The following TRPM8 variants were observed in gnomAD, a reference collection of about 807,000 sequenced individuals.
TRPM8 encodes the protein TRPM8 cationic channel.
Under a neutral mutation model 133.7 loss-of-function variants are expected in TRPM8, and 110 were observed. That is an observed-to-expected ratio of 0.82 (90% CI 0.70 to 0.96). The LOEUF (loss-of-function observed/expected upper bound fraction) is 0.96. Ranked by LOEUF, TRPM8 falls within the 40% of genes least tolerant of loss-of-function variation. The pLI is 0.00. For missense variants in TRPM8, 1,291 were observed against 1,379.5 expected (o/e 0.94, Z 1.02); for synonymous variants, 535 against 532.3 (o/e 1.01, Z -0.07).
Position 234,014,545 on chromosome 2 carries a change from T to C in TRPM8, c.3265-17T>C, listed in dbSNP as rs1245688535. 2.0e-6 allele frequency: 3 copies of C among 1,510,164 alleles called. No homozygotes were observed. In the South Asian group the frequency reaches 3.8e-5, roughly 19 times the overall value. The allele number at this position is 1,510,164 out of a possible 1,614,324, so 93.5% of individuals were successfully genotyped here. On this transcript the variant is annotated splice_polypyrimidine_tract_variant and intron_variant, in intron 24 of 25. Coordinates refer to ENST00000324695, the MANE Select transcript of TRPM8 (RefSeq NM_024080.5). ...AAATTTATCTTAAGATGAGTTCTATTTTTTTCTCTTTCCAAGCTTAATGAT... is the reference window on the plus strand; with the variant it reads ...AAATTTATCTTAAGATGAGTTCTATCTTTTTCTCTTTCCAAGCTTAATGAT...
At chr2:234,000,325 C>T (rs893910832) in intron 22 of TRPM8, among the ~76,000 whole-genome samples, 1 of 151,918 alleles carries the variant, frequency 6.6e-6, no homozygotes, top group Non-Finnish European at 1.5e-5. Flanking sequence ...TGGCCAGGCT[C>T]GTCTTGAACT....
chr2:233,936,698 G>A lies in TRPM8; in HGVS notation c.192-655G>A, dbSNP rs147723093. Among the ~76,000 whole-genome samples, 493 of 152,308 alleles carry A rather than the reference G, an allele frequency of 3.2e-3. 5 individuals carry two copies. The highest frequency in any genetic ancestry group is 0.011 in the African/African-American group (444 of 41,560). On this transcript the variant is annotated intron_variant, in intron 3 of 25. Transcript: ENST00000324695. Reference sequence around the variant, plus strand: ...TGAGGCCAACTCAGGGCTCCTGTGTGTTATGAACTGTTTGAGAAGCTGAAT... The same window carrying A: ...TGAGGCCAACTCAGGGCTCCTGTGTATTATGAACTGTTTGAGAAGCTGAAT...
intron 3 of TRPM8, among the ~76,000 whole-genome samples, chr2:233,935,562 T>C (rs1690709542): frequency 6.6e-6 from 1 of 152,190 alleles, no homozygotes; most frequent in Non-Finnish European, 1.5e-5. Flanking sequence ...AATCAGAACA[T>C]TGAGTCACCC....
intron 6 of TRPM8, 85 bp downstream of exon 6, chr2:233,942,833 G>A: frequency 1.3e-6 from 2 of 1,516,112 alleles, no homozygotes; most frequent in Non-Finnish European, 1.8e-6. Flanking sequence ...CTGGGGCTCT[G>A]TGATGGAGCC....
intron 2 of TRPM8, among the ~76,000 whole-genome samples, chr2:233,927,851 C>CTCTCT (rs1559516462): frequency 1.1e-4 from 4 of 37,586 alleles, no homozygotes; most frequent in African/African-American, 1.9e-4. Flanking sequence ...TTCCTTCCTT[C>CTCTCT]CTTTCTTTCT....
chr2:233,923,451 C>T lies in TRPM8; in HGVS notation c.-5-3082C>T, dbSNP rs568989803. 1.4e-4 allele frequency among the ~76,000 whole-genome samples: 21 copies of T among 152,296 alleles called. No individual in the cohort carries two copies. The South Asian group carries it at 3.5e-3, about 26-fold the overall frequency. On this transcript the variant is annotated intron_variant, in intron 1 of 25. Transcript: ENST00000324695. ...TGTGGTGCAGCTGTACCAAGGTTTT[C>T]CCTCCTTGGTGGGGTGGGCTAAAGT...
intron 3 of TRPM8, among the ~76,000 whole-genome samples, chr2:233,932,580 G>T (rs1489887197): frequency 1.3e-5 from 2 of 152,106 alleles, no homozygotes; most frequent in Non-Finnish European, 2.9e-5. Flanking sequence ...AGGGGAAGTA[G>T]ATGCAGGTTA....
In TRPM8 at chr2:233,961,179, C is replaced by T. The variant is rs1691428533; in HGVS notation, c.1653+113C>T. On this transcript the variant is annotated intron_variant, in intron 12 of 25. Coordinates refer to ENST00000324695, the MANE Select transcript of TRPM8 (RefSeq NM_024080.5). ...TTATTGCCATAAAATACTTAACACA[C>T]TGACAATGTTAATTTTTTTAACTCC... 1.8e-5 allele frequency: 19 copies of T among 1,059,914 alleles called. No individual in the cohort carries two copies. In the South Asian group the frequency reaches 2.8e-4, roughly 16 times the overall value. The allele number at this position is 1,059,914 out of a possible 1,614,324, so 65.7% of individuals were successfully genotyped here.
intron 23 of TRPM8, among the ~76,000 whole-genome samples, chr2:234,007,600 G>A (rs1692726206): frequency 6.6e-6 from 1 of 152,218 alleles, no homozygotes; most frequent in South Asian, 2.1e-4. Flanking sequence ...TTCACTGACA[G>A]CTGTCACTCT....
intron 9 of TRPM8, among the ~76,000 whole-genome samples, chr2:233,950,929 A>ATAT (rs1691158473): frequency 6.6e-6 from 1 of 152,188 alleles, no homozygotes; most frequent in Non-Finnish European, 1.5e-5. Context: ...GGCTGGGTGC[A>ATAT]ATGACTCATG....
chr2:233,977,150 C>G (rs1691891400), intron 17 of TRPM8, among the ~76,000 whole-genome samples: 1 of 152,054 alleles, frequency 6.6e-6, no homozygotes, highest in African/African-American at 2.4e-5. Context: ...ACGAGGCAGT[C>G]AATAAGTGCA....
intron 22 of TRPM8, among the ~76,000 whole-genome samples, chr2:234,003,154 C>T (rs1233987526): frequency 6.6e-6 from 1 of 152,178 alleles, no homozygotes; most frequent in Non-Finnish European, 1.5e-5. Context: ...TAACATATTT[C>T]TGTGCTCTCC....
chr2:233,941,018 C>T (rs1221803215), intron 5 of TRPM8, among the ~76,000 whole-genome samples: 1 of 152,034 alleles, frequency 6.6e-6, no homozygotes, highest in Non-Finnish European at 1.5e-5. Context: ...GAGTTTTGGC[C>T]CTCTGACCTC....
chr2:233,947,453 A>G, intron 8 of TRPM8: 2 of 1,392,826 alleles, frequency 1.4e-6, no homozygotes, highest in Non-Finnish European at 1.9e-6. Flanking sequence ...TGTAACCGGC[A>G]TATATATTAG....
At chr2:233,999,490 C>T (rs1692495277) in intron 22 of TRPM8, among the ~76,000 whole-genome samples, 1 of 151,392 alleles carries the variant, frequency 6.6e-6, no homozygotes, top group African/African-American at 2.5e-5. Context: ...GACAGCCTGC[C>T]CGGTGGGTGG....
At chr2:233,946,136 T>G in intron 7 of TRPM8, 106 bp downstream of exon 7, 1 of 1,088,880 alleles carries the variant, frequency 9.2e-7, no homozygotes, top group Non-Finnish European at 1.3e-6. Context: ...GAAACACACC[T>G]GATCAGGTAT....
intron 13 of TRPM8, 49 bp downstream of exon 13, chr2:233,963,426 A>AT: frequency 8.4e-7 from 1 of 1,195,970 alleles, no homozygotes; most frequent in Non-Finnish European, 1.2e-6. Context: ...ATGCTTTGTT[A>AT]TAACAGTTCT....
intron 2 of TRPM8, among the ~76,000 whole-genome samples, chr2:233,927,952 CTCTCTCTCTTTCTT>C (rs1691598129): frequency 2.6e-5 from 2 of 76,630 alleles, no homozygotes; most frequent in African/African-American, 1.0e-4. Context: ...CTCTCTCTCT[CTCTCTCTCTTTCTT>C]TCTTTCTTTC....
chr2:233,952,238 C>T (rs1048200473), intron 9 of TRPM8, among the ~76,000 whole-genome samples: 1 of 152,132 alleles, frequency 6.6e-6, no homozygotes. Flanking sequence ...CAGTCTGTGT[C>T]CTCTTAGACA....
Sources: allele counts gnomAD v4.1 joint callset (sites outside exome capture counted in the v4.1 genomes callset), GRCh38; gene constraint gnomAD v4.1.1; transcripts MANE v1.5; gene names NCBI Gene and HGNC (gene_info 2026-07-23, HGNC 2026-07-21).